Variants in MARCHF10 observed in about 807,000 individuals in gnomAD.
The protein encoded by MARCHF10 is probable E3 ubiquitin-protein ligase MARCHF10.
Under a neutral mutation model 76.2 loss-of-function variants are expected in MARCHF10, and 64 were observed. That is an observed-to-expected ratio of 0.84 (90% CI 0.69 to 1.03). MARCHF10 has a LOEUF of 1.03. Among genes scored for constraint, MARCHF10 ranks in the 50% least tolerant of loss-of-function variants. The probability of loss-of-function intolerance (pLI) is 0.00; values close to 1 mark genes in which losing one functional copy is unlikely to be tolerated. For missense variants in MARCHF10, 875 were observed against 958.0 expected, an observed-to-expected ratio of 0.91 and a Z score of 1.14; for synonymous variants, 340 against 357.5, an observed-to-expected ratio of 0.95 and a Z score of 0.55.
At chr17:62,704,687 C>T (rs1251110162) in intron 10 of MARCHF10, among the ~76,000 whole-genome samples, 3 of 152,356 alleles carry the variant, frequency 2.0e-5, no homozygotes, top group Non-Finnish European at 4.4e-5. Flanking sequence ...TCGCCTGAAG[C>T]GGAATCTCTG....
At chr17:62,783,251 T>C (rs975824468) in intron 3 of MARCHF10, among the ~76,000 whole-genome samples, 2 of 145,666 alleles carry the variant, frequency 1.4e-5, no homozygotes, top group Non-Finnish European at 1.5e-5. Flanking sequence ...TAAAAAAATG[T>C]TGTATTGGCT....
chr17:62,705,427 C>T (rs1441339648), intron 10 of MARCHF10, 112 bp downstream of exon 10: 7 of 1,595,222 alleles, frequency 4.4e-6, no homozygotes, highest in Admixed American at 1.8e-5. Context: ...TTATTTTTGC[C>T]TCTGGGTGGT....
intron 10 of MARCHF10, chr17:62,705,053 T>G: frequency 4.0e-6 from 4 of 1,008,648 alleles, no homozygotes; most frequent in Non-Finnish European, 1.2e-6. Flanking sequence ...GGGAGACCTG[T>G]TTGCTTTGTT....
intron 2 of MARCHF10, among the ~76,000 whole-genome samples, chr17:62,797,122 A>G (rs1484558134): frequency 6.6e-6 from 1 of 152,260 alleles, no homozygotes; most frequent in Non-Finnish European, 1.5e-5. Context: ...AATATTCTAA[A>G]GTTATGATAG....
intron 10 of MARCHF10, among the ~76,000 whole-genome samples, chr17:62,702,639 C>A (rs2089312186): frequency 6.6e-6 from 1 of 151,876 alleles, no homozygotes; most frequent in Non-Finnish European, 1.5e-5. Context: ...GCACTTCAGC[C>A]TGGGTGACAG....
chr17:62,806,658 T>C (rs2093169646), intron 1 of MARCHF10: 1 of 152,208 alleles, frequency 6.6e-6, no homozygotes, highest in African/African-American at 2.4e-5. Flanking sequence ...GGCCTCAAAA[T>C]TCTACATATC....
At chr17:62,759,182 TC>T (rs1465172186) in intron 4 of MARCHF10, among the ~76,000 whole-genome samples, 2 of 152,364 alleles carry the variant, frequency 1.3e-5, no homozygotes, top group Admixed American at 1.3e-4. Context: ...TTTGAAAGCT[TC>T]TCTTTATGCT....
chr17:62,722,697 T>C lies in MARCHF10; in HGVS notation c.2105-100A>G, dbSNP rs2090550804. On this transcript the variant is annotated intron_variant, in intron 7 of 10. Coordinates refer to ENST00000311269, the MANE Select transcript of MARCHF10 (RefSeq NM_152598.4). ...TTGGGGAGTGAACTTGTGTGTGTTA[T>C]GAATTCTGAGCTTCAGTGACCTTCC... is the stretch of plus-strand genomic sequence containing the variant. 5 of 946,830 alleles carry C rather than the reference T, an allele frequency of 5.3e-6. No homozygotes were observed. The South Asian group carries it at 7.4e-5, about 14-fold the overall frequency. The allele number at this position is 946,830 out of a possible 1,614,324, so 58.7% of individuals were successfully genotyped here. A position where few individuals can be genotyped will look rare whatever the true frequency, so the allele number is the denominator to read the frequency against.
At chr17:62,789,069 C>CAAAA (rs34556672) in intron 2 of MARCHF10, among the ~76,000 whole-genome samples, 17 of 36,866 alleles carry the variant, frequency 4.6e-4, no homozygotes, top group East Asian at 1.4e-3. Context: ...GACTCCGTCT[C>CAAAA]AAAAAAAAAA....
At chr17:62,773,669 G>T (rs903589776) in intron 3 of MARCHF10, among the ~76,000 whole-genome samples, 1 of 152,156 alleles carries the variant, frequency 6.6e-6, no homozygotes, top group Non-Finnish European at 1.5e-5. Flanking sequence ...TGGAGAGGGC[G>T]GTGATGGTGG....
At chr17:62,805,562 T>C (rs2148234920) in intron 1 of MARCHF10, among the ~76,000 whole-genome samples, 1 of 152,242 alleles carries the variant, frequency 6.6e-6, no homozygotes, top group Admixed American at 6.5e-5. Flanking sequence ...TGAAATAACT[T>C]TGTCTAAATA....
chr17:62,759,276 T>C (rs928155446), intron 4 of MARCHF10, among the ~76,000 whole-genome samples: 4 of 152,226 alleles, frequency 2.6e-5, no homozygotes, highest in African/African-American at 9.6e-5. Context: ...AGGCAGCAGC[T>C]CTAGGCGGAA....
chr17:62,706,687 C>T (rs2089614885), intron 9 of MARCHF10, among the ~76,000 whole-genome samples: 1 of 152,168 alleles, frequency 6.6e-6, no homozygotes, highest in South Asian at 2.1e-4. Flanking sequence ...CCGGGGCTCC[C>T]TTCCCCTGCA....
rs2089259957 is a variant in MARCHF10, at chr17:62,701,886, A to G, written c.2372-128T>C. The G allele has an allele frequency of 1.4e-5, 17 of 1,225,546 alleles. No individual in the cohort carries two copies. The South Asian group carries it at 1.7e-4, about 13-fold the overall frequency. The allele number at this position is 1,225,546 out of a possible 1,614,324, so 75.9% of individuals were successfully genotyped here. Reference sequence around the variant, plus strand: ...GAGGCCCAGCCACCCACATGGCCACAGTGCCTGGAACCGTGTGGGGAACAG... The same window carrying G: ...GAGGCCCAGCCACCCACATGGCCACGGTGCCTGGAACCGTGTGGGGAACAG... On this transcript the variant is annotated intron_variant, in intron 10 of 10. Transcript: ENST00000311269.
At chr17:62,748,849 C>T (rs369488050) in intron 4 of MARCHF10, among the ~76,000 whole-genome samples, 2 of 152,162 alleles carry the variant, frequency 1.3e-5, no homozygotes, top group African/African-American at 4.8e-5. Flanking sequence ...GGGTCTTTAC[C>T]ATGTCCATGG....
chr17:62,806,999 C>T (rs1056366051), intron 1 of MARCHF10, among the ~76,000 whole-genome samples: 1 of 152,208 alleles, frequency 6.6e-6, no homozygotes, highest in Admixed American at 6.5e-5. Context: ...TAACCTCCTC[C>T]TTAGACGGAA....
chr17:62,717,956 G>A (rs1237085133), intron 8 of MARCHF10, among the ~76,000 whole-genome samples: 1 of 152,138 alleles, frequency 6.6e-6, no homozygotes, highest in African/African-American at 2.4e-5. Flanking sequence ...TGACCCAGTG[G>A]GGCTGGTTTG....
chr17:62,759,841 A>T lies in MARCHF10; in HGVS notation c.376T>A (p.Ser126Thr). 1 of 1,613,544 alleles carries T rather than the reference A, an allele frequency of 6.2e-7. No individual in the cohort carries two copies. The highest frequency in any genetic ancestry group is 8.5e-7 in the Non-Finnish European group (1 of 1,179,818). ...CAATAAGCCAGCCACTCACCTGGAGAGGGTTCGCTGGGGTCCACTTTCTCT... is the reference window on the plus strand; with the variant it reads ...CAATAAGCCAGCCACTCACCTGGAGTGGGTTCGCTGGGGTCCACTTTCTCT... ...KAEKVDPSEP[S>T]PADQAPMVLL... The change falls in exon 4 of 11, where the codon TCT becomes ACT. Residue 126 changes from serine (S) to threonine (T), a missense_variant. By Grantham distance (58) the Ser-to-Thr change is moderately conservative. Transcript: ENST00000311269.
rs891883061 is a variant in MARCHF10 at position 62,771,937 on chromosome 17, G to A, written c.211-11931C>T. On this transcript the variant is annotated intron_variant, in intron 3 of 10. Transcript: ENST00000311269. The stretch of plus-strand genomic sequence containing the variant: ...ATGGGATCTGGGAGCAGGAGTGTGA[G>A]TGTGAACACTGGTTAGGAGGCCACT... Among the ~76,000 whole-genome samples the A allele has an allele frequency of 4.6e-5, 7 of 152,292 alleles. No homozygotes were observed. In the South Asian group the frequency reaches 1.0e-3, roughly 23 times the overall value.
Sources: allele counts gnomAD v4.1 joint callset (sites outside exome capture counted in the v4.1 genomes callset), GRCh38; gene constraint gnomAD v4.1.1; transcripts MANE v1.5; gene names NCBI Gene and HGNC (gene_info 2026-07-23, HGNC 2026-07-21).